MAD2L2: variants seen among roughly 807,000 people sequenced by gnomAD.
MAD2L2 encodes mitotic spindle assembly checkpoint protein MAD2B.
In MAD2L2, 17 loss-of-function variants were observed where a neutral mutation model predicts 30.5. The ratio of observed to expected loss-of-function variants is 0.56; its 90% CI spans 0.38 to 0.84. The LOEUF (loss-of-function observed/expected upper bound fraction) is 0.84, where lower values mean the gene tolerates loss of function less well. MAD2L2 is among the 40% of genes least tolerant of loss of function. MAD2L2 has a pLI of 0.00. For missense variants in MAD2L2, 213 were observed against 277.4 expected (o/e 0.77, Z 1.65); for synonymous variants, 101 against 113.9 (o/e 0.89, Z 0.72).
At chr1:11,677,101 G>A (rs969785881) in intron 4 of MAD2L2, 153 bp from the exon 5 acceptor site, 12 of 680,104 alleles carry the variant, frequency 1.8e-5, no homozygotes, top group East Asian at 1.1e-4. Flanking sequence ...GCCAGATAGC[G>A]AGTTTGAGAA....
At chr1:11,685,149 G>A (rs757641621), upstream of MAD2L2, among the ~76,000 whole-genome samples, 27 of 151,808 alleles carry the variant, frequency 1.8e-4, no homozygotes, top group Non-Finnish European at 3.1e-4. Context: ...GGCTGGTCTC[G>A]AACTCCTGGG....
exon 1 of MAD2L2, chr1:11,691,565 C>A (rs912459162): frequency 6.6e-6 from 1 of 151,782 alleles, no homozygotes; most frequent in South Asian, 2.1e-4. Context: ...CTGGCGAGGG[C>A]GCGCTGGCCG....
At chr1:11,681,831 G>C (rs1353854298), upstream of MAD2L2, 3 of 152,154 alleles carry the variant, frequency 2.0e-5, no homozygotes, top group Non-Finnish European at 4.4e-5. Flanking sequence ...CAGTTACTGT[G>C]ACTGTTCTCT....
At chr1:11,684,246 C>T (rs1359594298), upstream of MAD2L2, among the ~76,000 whole-genome samples, 1 of 152,188 alleles carries the variant, frequency 6.6e-6, no homozygotes, top group Non-Finnish European at 1.5e-5. Flanking sequence ...TCCATGCGCT[C>T]TTCAGCATCT....
upstream of MAD2L2, among the ~76,000 whole-genome samples, chr1:11,685,095 T>G (rs1328895904): frequency 2.0e-5 from 3 of 152,012 alleles, no homozygotes; most frequent in African/African-American, 7.3e-5. Context: ...ACCTGGCTGA[T>G]TTTTCAAATT....
At position 11,674,504 on chromosome 1, in the gene MAD2L2, TA is replaced by T; in HGVS notation, c.*270del. ...CTCAGCCCAGCCCTTGGGGCCCCTT[TA>T]TTGAAACAACTCACAGCACAGTATT... On this transcript the variant is annotated 3_prime_UTR_variant, in exon 9 of 9. Coordinates refer to ENST00000376692, the MANE Select transcript of MAD2L2 (RefSeq NM_006341.4). This position sits in a 1 kb window ranked among gnomAD's most constrained non-coding sequence, Gnocchi z 6.1. 1 of 400,438 alleles carries T rather than the reference TA, an allele frequency of 2.5e-6. No homozygotes were observed. Among genetic ancestry groups the T allele is most frequent in the South Asian group, 2.9e-5 (1 of 34,394 alleles). The allele number at this position is 400,438 out of a possible 1,614,324, so 24.8% of individuals were successfully genotyped here. A position where few individuals can be genotyped will look rare whatever the true frequency, so the allele number is the denominator to read the frequency against.
In MAD2L2 at chr1:11,680,737, C is replaced by T; in HGVS notation, c.-12-124G>A. Reference sequence around the variant, plus strand: ...CTGGGGAAGGACCTCCCGCTTCGCACAGGCTCAGGGCAGCTGGAAGAACCT... The same window carrying T: ...CTGGGGAAGGACCTCCCGCTTCGCATAGGCTCAGGGCAGCTGGAAGAACCT... On this transcript the variant is annotated intron_variant, in intron 1 of 8. Transcript: ENST00000376692. The T allele has an allele frequency of 3.5e-6, 5 of 1,435,754 alleles. No individual in the cohort carries two copies. In the South Asian group the frequency reaches 7.5e-5, roughly 22 times the overall value. The allele number at this position is 1,435,754 out of a possible 1,614,324, so 88.9% of individuals were successfully genotyped here.
chr1:11,676,887 A>C lies in MAD2L2; in HGVS notation c.293T>G (p.Phe98Cys). ...TGGAGGCTGGGTGATCTCAAAGACG[A>C]ATTTCTCCACTGGGCGGTGCTCTTT... ...LDKEHRPVEK[F>C]VFEITQPPLL... The change falls in exon 5 of 9, where the codon TTC becomes TGC. Residue 98 changes from phenylalanine (F) to cysteine (C), a missense_variant. Coordinates refer to ENST00000376692, the MANE Select transcript of MAD2L2 (RefSeq NM_006341.4). 6.2e-7 allele frequency: 1 copy of C among 1,614,048 alleles called. No individual in the cohort carries two copies. Among genetic ancestry groups the C allele is most frequent in the Non-Finnish European group, 8.5e-7 (1 of 1,179,986 alleles).
At chr1:11,677,675 C>A (rs188897145) in intron 3 of MAD2L2, 61 bp from the exon 4 acceptor site, 6 of 1,420,952 alleles carry the variant, frequency 4.2e-6, no homozygotes, top group Non-Finnish European at 4.9e-6. Flanking sequence ...CCACCCAACA[C>A]AACCAGGAGC....
rs139821582 is a variant in MAD2L2, at chr1:11,676,383, G to A, written c.333-243C>T. ...GGGGGTAGGGGACAGGGGAGGTAGG[G>A]GCAGCCTGAGGAGGCCTCCCTAGGT... On this transcript the variant is annotated intron_variant, in intron 5 of 8. Coordinates refer to ENST00000376692, the MANE Select transcript of MAD2L2 (RefSeq NM_006341.4). Among the ~76,000 whole-genome samples the A allele has an allele frequency of 5.8e-4, 88 of 152,266 alleles. 1 individual carries two copies. In the East Asian group the frequency reaches 9.1e-3, roughly 16 times the overall value.
chr1:11,679,597 G>C (rs959314992), intron 3 of MAD2L2, among the ~76,000 whole-genome samples: 1 of 148,872 alleles, frequency 6.7e-6, no homozygotes, highest in Admixed American at 6.6e-5. Flanking sequence ...CACGATCTGG[G>C]CTTACTTCAA....
In MAD2L2 at chr1:11,674,976, C is replaced by G. The variant is rs1208158252; in HGVS notation, c.594+106G>C. ...GAGATGGGAGGAGCCCTCCACCAGGCACTCCCCCGTTCTCTCCCGCAAGCC... is the reference window on the plus strand; with the variant it reads ...GAGATGGGAGGAGCCCTCCACCAGGGACTCCCCCGTTCTCTCCCGCAAGCC... On this transcript the variant is annotated intron_variant, in intron 8 of 8. Transcript: ENST00000376692. The surrounding 1 kb of genome is among the most constrained non-coding windows in gnomAD (Gnocchi z 6.1). 13 of 1,260,566 alleles carry G rather than the reference C, an allele frequency of 1.0e-5. No homozygotes were observed. In the African/African-American group the frequency reaches 1.3e-4, roughly 13 times the overall value. 78.1% of individuals were successfully genotyped at this position (1,260,566 alleles called of 1,614,324 possible). A position where few individuals can be genotyped will look rare whatever the true frequency, so the allele number is the denominator to read the frequency against.
intron 5 of MAD2L2, 176 bp downstream of exon 5, chr1:11,676,672 A>G: frequency 1.6e-6 from 1 of 622,578 alleles, no homozygotes; most frequent in South Asian, 1.9e-5. Context: ...AGCTCATGTC[A>G]TCTCTCTGGA....
rs756203983 is a variant in MAD2L2 at position 11,676,130 on chromosome 1, G to A, written c.343C>T (p.Leu115=). Reference sequence around the variant, plus strand: ...AGCAGCTGCTCCACATGAGACAACAGCGAGTCTGAGCTGGGAGTGAGAGGA... The same window carrying A: ...AGCAGCTGCTCCACATGAGACAACAACGAGTCTGAGCTGGGAGTGAGAGGA... ...PPLLSISSDS[L]LSHVEQLLRA... is the part of the protein sequence containing the mutation. The change falls in exon 6 of 9, where the codon CTG becomes TTG. Residue 115 remains leucine, a synonymous_variant. Coordinates refer to ENST00000376692, the MANE Select transcript of MAD2L2 (RefSeq NM_006341.4). 5.0e-6 allele frequency: 8 copies of A among 1,599,538 alleles called. No individual in the cohort carries two copies. The Admixed American group carries it at 1.3e-4, about 27-fold the overall frequency.
At position 11,690,173 on chromosome 1, in the gene MAD2L2, G is replaced by A. The variant is rs935837906; in HGVS notation, c.-692+1240C>T. On this transcript the variant is annotated intron_variant, in intron 1 of 10. Coordinates refer to the MAD2L2 transcript ENST00000235310. This position sits in a 1 kb window ranked among gnomAD's most constrained non-coding sequence, Gnocchi z 4.2. ...ATATTTATTTGTTCACTTATCTTCT[G>A]TCTCCTTCACTAGAATCTGAGCTCC... Among the ~76,000 whole-genome samples the A allele has an allele frequency of 1.3e-5, 2 of 151,960 alleles. No homozygotes were observed. Among genetic ancestry groups the A allele is most frequent in the Admixed American group, 1.3e-4 (2 of 15,246 alleles).
rs565625878 is a variant in MAD2L2 at position 11,674,636 on chromosome 1, C to T, written c.*139G>A. The stretch of plus-strand genomic sequence containing the variant: ...GAGGCATCCTCCAAGCAGACCTGAG[C>T]GGCCCCGGGCTGGGGCGGGCGATCC... On this transcript the variant is annotated 3_prime_UTR_variant, in exon 9 of 9. Coordinates refer to ENST00000376692, the MANE Select transcript of MAD2L2 (RefSeq NM_006341.4). This position sits in a 1 kb window ranked among gnomAD's most constrained non-coding sequence, Gnocchi z 6.1. 1.9e-5 allele frequency: 16 copies of T among 860,428 alleles called. No homozygotes were observed. The highest frequency in any genetic ancestry group is 4.7e-5 in the South Asian group (3 of 64,074). The allele number at this position is 860,428 out of a possible 1,614,324, so 53.3% of individuals were successfully genotyped here.
Position 11,688,981 on chromosome 1 carries a change from G to A in MAD2L2, c.-692+2432C>T, listed in dbSNP as rs1032561391. ...ACAAATGCCATGGCAACATCAGGACGTTACCCTATATGGTCTAAAAAGGGG... is the reference window on the plus strand; with the variant it reads ...ACAAATGCCATGGCAACATCAGGACATTACCCTATATGGTCTAAAAAGGGG... On this transcript the variant is annotated intron_variant, in intron 1 of 10. Coordinates refer to the MAD2L2 transcript ENST00000235310. The surrounding 1 kb of genome is among the most constrained non-coding windows in gnomAD (Gnocchi z 4.6). 9.9e-5 allele frequency among the ~76,000 whole-genome samples: 15 copies of A among 152,142 alleles called. No individual in the cohort carries two copies. The South Asian group carries it at 1.2e-3, about 13-fold the overall frequency.
At position 11,681,133 on chromosome 1, in the gene MAD2L2, C is replaced by T. The variant is rs1466850740; in HGVS notation, c.-107G>A. 1 of 152,366 alleles carries T rather than the reference C, an allele frequency of 6.6e-6. No individual in the cohort carries two copies. The highest frequency in any genetic ancestry group is 1.5e-5 in the Non-Finnish European group (1 of 68,116). 9.4% of individuals were successfully genotyped at this position (152,366 alleles called of 1,614,324 possible). On this transcript the variant is annotated 5_prime_UTR_variant, in exon 1 of 9. Coordinates refer to ENST00000376692, the MANE Select transcript of MAD2L2 (RefSeq NM_006341.4). ...TCGCGCCTCCCGCTCAACCCGGGGC[C>T]TCGGCGCCGCTCGGTGACGTTCACG...
rs775220495 is a variant in MAD2L2, at chr1:11,690,062, T to C, written c.-692+1351A>G. Among the ~76,000 whole-genome samples the C allele has an allele frequency of 6.6e-6, 1 of 152,126 alleles. No homozygotes were observed. The highest frequency in any genetic ancestry group is 1.5e-5 in the Non-Finnish European group (1 of 68,014). The stretch of plus-strand genomic sequence containing the variant: ...AAAGAGGCCTTTCCTAATAACTTTA[T>C]GTAAAACAACACCTCGTCCCTTCAT... On this transcript the variant is annotated intron_variant, in intron 1 of 10. Transcript: ENST00000235310. The surrounding 1 kb of genome is among the most constrained non-coding windows in gnomAD (Gnocchi z 4.2).
Sources: allele counts gnomAD v4.1 joint callset (sites outside exome capture counted in the v4.1 genomes callset), GRCh38; gene constraint gnomAD v4.1.1; non-coding constraint Gnocchi (gnomAD v3.1); transcripts MANE v1.5; gene names NCBI Gene and HGNC (gene_info 2026-07-23, HGNC 2026-07-21).